The following TMEM132D variants were observed in gnomAD, a reference collection of about 807,000 sequenced individuals.
TMEM132D encodes mature OL transmembrane protein.
A neutral mutation model predicts 62.3 loss-of-function variants in TMEM132D; 21 were observed. That is an observed-to-expected ratio of 0.34 (90% CI 0.24 to 0.49). TMEM132D has a LOEUF of 0.49. Ranked by LOEUF, TMEM132D falls within the 20% of genes least tolerant of loss-of-function variation. TMEM132D has a pLI of 0.99. For missense variants in TMEM132D, 1,346 were observed against 1,402.8 expected (o/e 0.96, Z 0.65); for synonymous variants, 621 against 575.6 (o/e 1.08, Z -1.13).
At chr12:129,356,976 A>G (rs1000727488) in intron 3 of TMEM132D, among the ~76,000 whole-genome samples, 3 of 141,922 alleles carry the variant, frequency 2.1e-5, no homozygotes, top group Admixed American at 1.4e-4. Flanking sequence ...GCCGGGCCTG[A>G]TGGCTCACGT....
chr12:129,109,077 T>C (rs1160982752), intron 5 of TMEM132D, among the ~76,000 whole-genome samples: 6 of 152,202 alleles, frequency 3.9e-5, no homozygotes, highest in Non-Finnish European at 8.8e-5. Context: ...AAAACTACTA[T>C]CACCGAACAT....
At chr12:129,735,642 G>A (rs1346657942) in intron 1 of TMEM132D, among the ~76,000 whole-genome samples, 1 of 152,046 alleles carries the variant, frequency 6.6e-6, no homozygotes, top group Non-Finnish European at 1.5e-5. Context: ...AACGTAGAGT[G>A]CAAAAAGGTA....
At chr12:129,776,788 CAAAA>C (rs148740560) in intron 1 of TMEM132D, among the ~76,000 whole-genome samples, 2 of 68,454 alleles carry the variant, frequency 2.9e-5, no homozygotes, top group African/African-American at 8.6e-5. Context: ...TAATGGGCTT[CAAAA>C]AAAAAAAAAA....
At chr12:129,400,958 C>G (rs537443839) in intron 3 of TMEM132D, among the ~76,000 whole-genome samples, 2 of 152,106 alleles carry the variant, frequency 1.3e-5, no homozygotes, top group South Asian at 2.1e-4. Context: ...TTAGCACACA[C>G]GATTAAGTGT....
At chr12:129,620,060 C>T (rs2137158552) in intron 2 of TMEM132D, among the ~76,000 whole-genome samples, 1 of 152,272 alleles carries the variant, frequency 6.6e-6, no homozygotes, top group South Asian at 2.1e-4. Context: ...TGCTCATCCT[C>T]CAAGTGATCC....
At chr12:129,362,362 A>G (rs971640742) in intron 3 of TMEM132D, among the ~76,000 whole-genome samples, 17 of 152,242 alleles carry the variant, frequency 1.1e-4, no homozygotes, top group Middle Eastern at 3.4e-3. Flanking sequence ...AAGTGAGGCA[A>G]TATTCTATTT....
intron 2 of TMEM132D, among the ~76,000 whole-genome samples, chr12:129,662,708 G>T (rs771168593): frequency 6.8e-6 from 1 of 146,990 alleles, no homozygotes; most frequent in Non-Finnish European, 1.5e-5. Flanking sequence ...CAGGAGAATC[G>T]CTTGAACCTG....
intron 2 of TMEM132D, among the ~76,000 whole-genome samples, chr12:129,615,001 A>T (rs1338013908): frequency 1.3e-5 from 2 of 152,176 alleles, no homozygotes; most frequent in Non-Finnish European, 2.9e-5. Flanking sequence ...TCAGAAGCAC[A>T]CTTGAATAAA....
At chr12:129,681,744 G>T (rs990187639) in intron 2 of TMEM132D, 1 of 152,148 alleles carries the variant, frequency 6.6e-6, no homozygotes, top group African/African-American at 2.4e-5. Context: ...AGTTAGAGAG[G>T]GTCAAAGAAT....
chr12:129,590,196 T>C (rs1468595973), intron 2 of TMEM132D, among the ~76,000 whole-genome samples: 1 of 152,142 alleles, frequency 6.6e-6, no homozygotes, highest in Non-Finnish European at 1.5e-5. Flanking sequence ...TGGGATGAAA[T>C]GTGTTTCTCC....
intron 1 of TMEM132D, among the ~76,000 whole-genome samples, chr12:129,716,905 G>A (rs1477044866): frequency 6.6e-6 from 1 of 152,332 alleles, no homozygotes; most frequent in Non-Finnish European, 1.5e-5. Flanking sequence ...CCATCTTCAT[G>A]GTCATAGGAA....
At chr12:129,647,848 T>C (rs1338854565) in intron 2 of TMEM132D, among the ~76,000 whole-genome samples, 1 of 152,152 alleles carries the variant, frequency 6.6e-6, no homozygotes, top group Non-Finnish European at 1.5e-5. Context: ...TTGTAAAGAA[T>C]ATAACAGTGA....
At chr12:129,379,231 G>A (rs1870868230) in intron 3 of TMEM132D, among the ~76,000 whole-genome samples, 1 of 152,088 alleles carries the variant, frequency 6.6e-6, no homozygotes, top group African/African-American at 2.4e-5. Context: ...AGGAATATAT[G>A]GGTGGTTAAA....
chr12:129,229,021 A>C (rs1400606850), intron 4 of TMEM132D, among the ~76,000 whole-genome samples: 2 of 152,156 alleles, frequency 1.3e-5, no homozygotes, highest in Non-Finnish European at 2.9e-5. Context: ...GTCTCCATTG[A>C]ATTGGGAGGT....
At chr12:129,379,474 T>C (rs2135685932) in intron 3 of TMEM132D, among the ~76,000 whole-genome samples, 1 of 152,302 alleles carries the variant, frequency 6.6e-6, no homozygotes, top group South Asian at 2.1e-4. Flanking sequence ...AAACCTACAT[T>C]ACCTGACACG....
At chr12:129,829,347 T>C (rs892142673) in intron 1 of TMEM132D, among the ~76,000 whole-genome samples, 1 of 152,164 alleles carries the variant, frequency 6.6e-6, no homozygotes, top group Non-Finnish European at 1.5e-5. Context: ...CCTCTTCCTC[T>C]TCCCGGGAAT....
At chr12:129,813,239 C>T (rs1370090163) in intron 1 of TMEM132D, among the ~76,000 whole-genome samples, 2 of 151,814 alleles carry the variant, frequency 1.3e-5, no homozygotes, top group Non-Finnish European at 2.9e-5. Context: ...TGTTGGTGGA[C>T]GTTGCTAAAA....
intron 4 of TMEM132D, among the ~76,000 whole-genome samples, chr12:129,234,141 C>T (rs1438071616): frequency 2.0e-5 from 3 of 152,050 alleles, no homozygotes; most frequent in Non-Finnish European, 2.9e-5. Context: ...AAAGTGATTG[C>T]AGGAGAAAAT....
intron 2 of TMEM132D, among the ~76,000 whole-genome samples, chr12:129,567,592 T>G (rs1269718635): frequency 6.6e-6 from 1 of 152,184 alleles, no homozygotes; most frequent in African/African-American, 2.4e-5. Context: ...AGAATTTAGC[T>G]GGTATCTGCT....
Sources: gnomAD v4.1 joint callset for allele counts (sites outside exome capture counted in the v4.1 genomes callset) on GRCh38, gnomAD v4.1.1 for gene constraint, MANE v1.5 for transcripts, NCBI Gene and HGNC (gene_info 2026-07-23, HGNC 2026-07-21) for gene names.